PRH1: variants seen among roughly 807,000 people sequenced by gnomAD.
PRH1 encodes salivary acidic proline-rich phosphoprotein 1/2.
A neutral mutation model predicts 7.9 loss-of-function variants in PRH1; 7 were observed. That is an observed-to-expected ratio of 0.89 (90% CI 0.50 to 1.67). PRH1 has a LOEUF of 1.67. Ranked by LOEUF, PRH1 falls within the 40% of genes most tolerant of loss-of-function variation. The pLI is 0.00. For synonymous variants in PRH1, 45 were observed against 80.8 expected (o/e 0.56, Z 2.38); for missense variants, 109 against 223.6 (o/e 0.49, Z 3.27).
chr12:10,882,511 TTGGGGTGGTCCTTGTGGCTTTCCC>T lies in PRH1; in HGVS notation c.264_287del (p.Gly89_Gln96del). 2 of 870,010 alleles carry T rather than the reference TTGGGGTGGTCCTTGTGGCTTTCCC, an allele frequency of 2.3e-6. No homozygotes were observed. The highest frequency in any genetic ancestry group is 3.5e-6 in the Non-Finnish European group (2 of 571,102). The allele number at this position is 870,010 out of a possible 1,614,324, so 53.9% of individuals were successfully genotyped here. On this transcript the variant is annotated inframe_deletion, in exon 3 of 4. Transcript: ENST00000543626. The stretch of plus-strand genomic sequence containing the variant: ...GACCTTGTTGCTGCTGGCCTCCTTG[TTGGGGTGGTCCTTGTGGCTTTCCC>T]TGAGGAGGTGGTGGACCTTGTTGCT...
At chr12:11,123,391 C>G (rs1310526137) in intron 1 of PRH1, among the ~76,000 whole-genome samples, 1 of 152,096 alleles carries the variant, frequency 6.6e-6, no homozygotes, top group African/African-American at 2.4e-5. Context: ...TACTCACAGA[C>G]ATAGAAAAGC....
intron 2 of PRH1, among the ~76,000 whole-genome samples, chr12:10,901,471 T>C (rs1469914362): frequency 2.6e-5 from 4 of 152,170 alleles, no homozygotes; most frequent in Non-Finnish European, 5.9e-5. Context: ...TGTCTGCCAT[T>C]GGAAGACCTA....
At chr12:11,124,106 T>C (rs146879631) in intron 1 of PRH1, among the ~76,000 whole-genome samples, 205 of 151,686 alleles carry the variant, frequency 1.4e-3, no homozygotes, top group Admixed American at 5.3e-3. Flanking sequence ...GAAGTTCATA[T>C]AAGTAGCTTT....
intron 1 of PRH1, among the ~76,000 whole-genome samples, chr12:11,146,265 A>G (rs983045269): frequency 8.5e-6 from 1 of 118,172 alleles, no homozygotes; most frequent in African/African-American, 2.8e-5. Context: ...TTATTCTTCT[A>G]GGTAGTTTTT....
At chr12:11,147,349 C>G (rs750199540) in intron 1 of PRH1, among the ~76,000 whole-genome samples, 3 of 151,778 alleles carry the variant, frequency 2.0e-5, no homozygotes, top group African/African-American at 4.8e-5. Context: ...CACCACACAC[C>G]GCTAATTTTT....
intron 2 of PRH1, among the ~76,000 whole-genome samples, chr12:10,963,846 C>A (rs1938372870): frequency 6.6e-6 from 1 of 152,058 alleles, no homozygotes; most frequent in South Asian, 2.1e-4. Context: ...AGTTTTCTAA[C>A]AATAATTGTT....
At chr12:11,007,072 T>C (rs1326397224) in intron 1 of PRH1, among the ~76,000 whole-genome samples, 1 of 152,138 alleles carries the variant, frequency 6.6e-6, no homozygotes, top group African/African-American at 2.4e-5. Flanking sequence ...CCAATACATA[T>C]GTCATACAGT....
At chr12:10,961,050 C>A (rs145009868) in intron 2 of PRH1, among the ~76,000 whole-genome samples, 5 of 152,178 alleles carry the variant, frequency 3.3e-5, no homozygotes. Flanking sequence ...GGTTCCATAA[C>A]AGCTATAGGG....
chr12:10,933,193 G>GA (rs1267712491), intron 2 of PRH1, among the ~76,000 whole-genome samples: 1 of 151,938 alleles, frequency 6.6e-6, no homozygotes, highest in African/African-American at 2.4e-5. Flanking sequence ...AAGCAAACAT[G>GA]AAAAACTGAA....
chr12:11,086,290 A>C (rs867237955), intron 1 of PRH1, among the ~76,000 whole-genome samples: 4 of 142,590 alleles, frequency 2.8e-5, no homozygotes, highest in African/African-American at 7.6e-5. Context: ...TTAGTTATTT[A>C]ATGAAAATAT....
intron 1 of PRH1, among the ~76,000 whole-genome samples, chr12:11,129,323 A>G (rs1009769817): frequency 2.0e-5 from 3 of 151,490 alleles, no homozygotes; most frequent in Non-Finnish European, 2.9e-5. Context: ...ATTGAAATGG[A>G]TACGTATGGC....
At chr12:11,170,921 T>A (rs1947816343) in intron 1 of PRH1, among the ~76,000 whole-genome samples, 2 of 152,216 alleles carry the variant, frequency 1.3e-5, no homozygotes, top group Non-Finnish European at 2.9e-5. Context: ...ATTAATATTA[T>A]GAAATCAAAA....
At chr12:10,930,382 A>G in intron 2 of PRH1, 2 of 1,551,536 alleles carry the variant, frequency 1.3e-6, no homozygotes, top group Non-Finnish European at 1.8e-6. Context: ...GTGTCTTCTT[A>G]TCATCCTTGT....
At chr12:10,941,017 A>G (rs1489296328) in intron 2 of PRH1, among the ~76,000 whole-genome samples, 1 of 152,226 alleles carries the variant, frequency 6.6e-6, no homozygotes, top group Non-Finnish European at 1.5e-5. Context: ...TCCCAAGGCT[A>G]GAAGTACAAA....
chr12:10,936,197 T>C (rs1241169786), intron 2 of PRH1, among the ~76,000 whole-genome samples: 1 of 149,872 alleles, frequency 6.7e-6, no homozygotes, highest in African/African-American at 2.4e-5. Context: ...AAAAACTTAC[T>C]ACTGGGGAAG....
intron 2 of PRH1, among the ~76,000 whole-genome samples, chr12:10,968,435 G>C (rs1370681106): frequency 1.3e-5 from 2 of 152,216 alleles, no homozygotes; most frequent in Non-Finnish European, 2.9e-5. Flanking sequence ...GATGTAGATA[G>C]AGATGATGAT....
At chr12:11,151,175 A>T (rs1403843090) in intron 1 of PRH1, among the ~76,000 whole-genome samples, 1 of 152,118 alleles carries the variant, frequency 6.6e-6, no homozygotes, top group Non-Finnish European at 1.5e-5. Context: ...TACCTGCAGC[A>T]GCTGAAGTGT....
At chr12:11,091,922 C>G in intron 1 of PRH1, 1 of 1,231,944 alleles carries the variant, frequency 8.1e-7, no homozygotes. Context: ...ATAAAATATG[C>G]TGAGGGTAGT....
At chr12:11,051,910 C>G (rs1291787820), upstream of PRH1, among the ~76,000 whole-genome samples, 1 of 139,754 alleles carries the variant, frequency 7.2e-6, no homozygotes. Flanking sequence ...TGGGCAGCTT[C>G]TTTTCTGAGC....
Sources: allele counts gnomAD v4.1 joint callset (sites outside exome capture counted in the v4.1 genomes callset), GRCh38; gene constraint gnomAD v4.1.1; transcripts MANE v1.5; gene names NCBI Gene and HGNC (gene_info 2026-07-23, HGNC 2026-07-21).